The following PCDH15 variants were observed in gnomAD, a reference collection of about 807,000 sequenced individuals.
The protein encoded by PCDH15 is protocadherin-15.
A neutral mutation model predicts 178.5 loss-of-function variants in PCDH15; 129 were observed. The ratio of observed to expected loss-of-function variants is 0.72; its 90% CI spans 0.63 to 0.84. The LOEUF (loss-of-function observed/expected upper bound fraction) is 0.84, where lower values mean the gene tolerates loss of function less well. Among genes scored for constraint, PCDH15 ranks in the 40% least tolerant of loss-of-function variants. The probability of loss-of-function intolerance (pLI) is 0.00; values close to 1 mark genes in which losing one functional copy is unlikely to be tolerated. For missense variants in PCDH15, 2,230 were observed against 2,099.9 expected (o/e 1.06, Z -1.21); for synonymous variants, 800 against 732.0 (o/e 1.09, Z -1.50).
chr10:55,609,030 A>T (rs1843298453), intron 2 of PCDH15, among the ~76,000 whole-genome samples: 2 of 151,796 alleles, frequency 1.3e-5, no homozygotes, highest in Admixed American at 1.3e-4. Context: ...ACACACACAC[A>T]CACACACACA....
intron 1 of PCDH15, among the ~76,000 whole-genome samples, chr10:55,176,556 A>G (rs191774309): frequency 6.6e-6 from 1 of 152,278 alleles, no homozygotes; most frequent in Non-Finnish European, 1.5e-5. Context: ...GAATCAATCA[A>G]TGATAACTTG....
intron 3 of PCDH15, among the ~76,000 whole-genome samples, chr10:54,824,111 C>T (rs537959362): frequency 2.6e-5 from 4 of 152,252 alleles, no homozygotes; most frequent in African/African-American, 7.2e-5. Context: ...AGAGTTTCCA[C>T]AGGAGTGCTC....
chr10:55,196,818 T>C (rs1044060292), intron 1 of PCDH15, among the ~76,000 whole-genome samples: 6 of 152,020 alleles, frequency 3.9e-5, no homozygotes, highest in Admixed American at 6.5e-5. Context: ...CGATGAATTA[T>C]TTAAATTATG....
chr10:55,055,802 C>T (rs1382386300), intron 2 of PCDH15, among the ~76,000 whole-genome samples: 2 of 151,660 alleles, frequency 1.3e-5, no homozygotes, highest in Non-Finnish European at 2.9e-5. Flanking sequence ...GAGTGAGCCC[C>T]TGTCTCAAAA....
chr10:55,106,532 C>T (rs1258544354), intron 2 of PCDH15, among the ~76,000 whole-genome samples: 3 of 152,164 alleles, frequency 2.0e-5, no homozygotes, highest in Non-Finnish European at 4.4e-5. Context: ...TCTCCTGCCT[C>T]AGCCTCCTGA....
intron 2 of PCDH15, among the ~76,000 whole-genome samples, chr10:55,515,271 G>A (rs1589100393): frequency 1.3e-5 from 2 of 151,952 alleles, no homozygotes; most frequent in African/African-American, 2.4e-5. Context: ...GAGCCACTGC[G>A]CGTGGCCGGG....
At chr10:55,286,037 C>A (rs1295366659) in intron 1 of PCDH15, among the ~76,000 whole-genome samples, 7 of 151,904 alleles carry the variant, frequency 4.6e-5, no homozygotes, top group Admixed American at 3.9e-4. Context: ...GATGATAAAT[C>A]TGAAATGTTA....
chr10:54,680,859 T>C (rs573136748), intron 1 of PCDH15, among the ~76,000 whole-genome samples: 2 of 152,302 alleles, frequency 1.3e-5, no homozygotes, highest in Admixed American at 1.3e-4. Context: ...TGGGTATGTC[T>C]TTATTAGCAG....
intron 1 of PCDH15, among the ~76,000 whole-genome samples, chr10:54,789,433 G>T (rs68010557): frequency 0.094 from 14,310 of 151,830 alleles, 910 homozygotes; most frequent in East Asian, 0.19. Context: ...GTGTGTGTGT[G>T]TATGTGTGTG....
Position 55,451,719 on chromosome 10 carries a change from A to T in PCDH15, c.-156+175906T>A, listed in dbSNP as rs185215751. Reference sequence around the variant, plus strand: ...GTTCAGGATGATTTTCACGGAGAAAACCTATATTATTTTTAGCTCCGATTC... The same window carrying T: ...GTTCAGGATGATTTTCACGGAGAAATCCTATATTATTTTTAGCTCCGATTC... On this transcript the variant is annotated intron_variant, in intron 2 of 5. Coordinates refer to the PCDH15 transcript ENST00000613346. Among the ~76,000 whole-genome samples the T allele has an allele frequency of 4.0e-3, 604 of 152,232 alleles. 5 individuals carry two copies. The highest frequency in any genetic ancestry group is 0.014 in the African/African-American group (567 of 41,544).
chr10:54,256,505 T>C (rs10490983), intron 8 of PCDH15, among the ~76,000 whole-genome samples: 104,211 of 151,980 alleles, frequency 0.69, 36,709 homozygotes, highest in Middle Eastern at 0.76. Flanking sequence ...ATTCTACTGT[T>C]ATAGAACCTA....
chr10:55,332,730 G>T, intron 2 of PCDH15, among the ~76,000 whole-genome samples: 1 of 152,150 alleles, frequency 6.6e-6, no homozygotes, highest in East Asian at 1.9e-4. Context: ...AGTGTCAAAA[G>T]ATCTGATGGT....
At chr10:54,609,043 A>G (rs1474970322) in intron 2 of PCDH15, among the ~76,000 whole-genome samples, 1 of 152,138 alleles carries the variant, frequency 6.6e-6, no homozygotes, top group Non-Finnish European at 1.5e-5. Context: ...CCTGAAAGGT[A>G]CAATAAAAAA....
chr10:54,102,922 C>T (rs1357073457), intron 15 of PCDH15, among the ~76,000 whole-genome samples: 2 of 152,220 alleles, frequency 1.3e-5, no homozygotes, highest in Non-Finnish European at 2.9e-5. Flanking sequence ...AACGTCAGCT[C>T]AGAGCCAGTG....
At chr10:53,913,886 G>T (rs1046972074) in intron 25 of PCDH15, among the ~76,000 whole-genome samples, 1 of 152,048 alleles carries the variant, frequency 6.6e-6, no homozygotes, top group Non-Finnish European at 1.5e-5. Context: ...CTAACATCCA[G>T]AATCTACAAA....
intron 3 of PCDH15, among the ~76,000 whole-genome samples, chr10:54,818,942 A>C (rs1018890436): frequency 6.6e-6 from 1 of 151,944 alleles, no homozygotes; most frequent in Non-Finnish European, 1.5e-5. Context: ...TATTTATTTT[A>C]GAGACAGGGC....
At chr10:53,831,221 T>C in intron 30 of PCDH15, 94 bp downstream of exon 30, 4 of 1,121,706 alleles carry the variant, frequency 3.6e-6, no homozygotes, top group Non-Finnish European at 5.5e-6. Context: ...AGTTGCACCA[T>C]CAATATTTTA....
In PCDH15 at chr10:54,279,484, G is replaced by T. The variant is rs138200274; in HGVS notation, c.876+37787C>A. On this transcript the variant is annotated intron_variant, in intron 8 of 37. Transcript: ENST00000644397. ...ATGTTCGCTGTTGTGGAAAGTTTCCGCAGTAGAGAAGGGAATGTGAATGGT... is the reference window on the plus strand; with the variant it reads ...ATGTTCGCTGTTGTGGAAAGTTTCCTCAGTAGAGAAGGGAATGTGAATGGT... 1.9e-3 allele frequency among the ~76,000 whole-genome samples: 284 copies of T among 151,698 alleles called. 5 individuals carry two copies. Among genetic ancestry groups the T allele is most frequent in the African/African-American group, 6.1e-3 (254 of 41,512 alleles).
chr10:55,065,955 C>A lies in PCDH15; in HGVS notation c.-80+100621G>T, dbSNP rs75044201. ...TATTACTGTTATTGATTGCTTTGGT[C>A]AAAATACAAAGGCCACTTTATACAT... is the stretch of plus-strand genomic sequence containing the variant. On this transcript the variant is annotated intron_variant, in intron 2 of 5. Transcript: ENST00000458638. Among the ~76,000 whole-genome samples, 1,309 of 151,972 alleles carry A rather than the reference C, an allele frequency of 8.6e-3. 20 individuals carry two copies. Among genetic ancestry groups the A allele is most frequent in the African/African-American group, 0.03 (1,244 of 41,530 alleles).
Sources: allele counts gnomAD v4.1 joint callset (sites outside exome capture counted in the v4.1 genomes callset), GRCh38; gene constraint gnomAD v4.1.1; transcripts MANE v1.5; gene names NCBI Gene and HGNC (gene_info 2026-07-23, HGNC 2026-07-21).